The following TAFA1 variants were observed in gnomAD, a reference collection of about 807,000 sequenced individuals.
TAFA1 encodes chemokine-like protein TAFA-1.
Under a neutral mutation model 18.5 loss-of-function variants are expected in TAFA1, and 4 were observed. The observed-to-expected ratio is 0.22, with a 90% CI of 0.11 to 0.49. The LOEUF (loss-of-function observed/expected upper bound fraction) is 0.49, where lower values mean the gene tolerates loss of function less well. Ranked by LOEUF, TAFA1 falls within the 20% of genes least tolerant of loss-of-function variation. The probability of loss-of-function intolerance (pLI) is 0.98; values close to 1 mark genes in which losing one functional copy is unlikely to be tolerated. For missense variants in TAFA1, 147 were observed against 169.0 expected (o/e 0.87, Z 0.72); for synonymous variants, 56 against 55.2 (o/e 1.01, Z -0.06).
intron 2 of TAFA1, among the ~76,000 whole-genome samples, chr3:68,254,169 C>G (rs1448804503): frequency 1.3e-5 from 2 of 151,628 alleles, no homozygotes; most frequent in African/African-American, 4.9e-5. Flanking sequence ...GTCTATCTAT[C>G]TATCTATCTA....
At chr3:68,462,408 A>T (rs2071801278) in intron 3 of TAFA1, among the ~76,000 whole-genome samples, 1 of 152,070 alleles carries the variant, frequency 6.6e-6, no homozygotes, top group Non-Finnish European at 1.5e-5. Flanking sequence ...TCCTCTGCAC[A>T]TGCCCTCTTG....
At chr3:68,363,198 G>A (rs2069502208) in intron 2 of TAFA1, among the ~76,000 whole-genome samples, 1 of 151,962 alleles carries the variant, frequency 6.6e-6, no homozygotes, top group African/African-American at 2.4e-5. Flanking sequence ...CATGGTAGGT[G>A]TTCAACATTT....
chr3:68,472,503 TACAC>T (rs144677943), intron 3 of TAFA1, among the ~76,000 whole-genome samples: 2,751 of 141,130 alleles, frequency 0.019, 43 homozygotes, highest in South Asian at 0.064. Context: ...TAGAACTAAA[TACAC>T]ACACACACAC....
chr3:68,307,335 A>G (rs2106665516), intron 2 of TAFA1, among the ~76,000 whole-genome samples: 1 of 152,352 alleles, frequency 6.6e-6, no homozygotes, highest in Non-Finnish European at 1.5e-5. Context: ...TCAAAATGAG[A>G]AAGAGATAGT....
At chr3:68,284,963 A>C (rs1016897072) in intron 2 of TAFA1, among the ~76,000 whole-genome samples, 5 of 151,984 alleles carry the variant, frequency 3.3e-5, no homozygotes, top group Non-Finnish European at 7.4e-5. Flanking sequence ...TGGCACATGC[A>C]TGTAGTCCTA....
intron 2 of TAFA1, among the ~76,000 whole-genome samples, chr3:68,136,532 G>C (rs2065610085): frequency 1.3e-5 from 2 of 152,106 alleles, no homozygotes; most frequent in African/African-American, 4.8e-5. Flanking sequence ...CCACTGTTCC[G>C]TAGTGACTGT....
chr3:68,391,457 C>T (rs1308081049), intron 2 of TAFA1, among the ~76,000 whole-genome samples: 1 of 152,172 alleles, frequency 6.6e-6, no homozygotes, highest in Non-Finnish European at 1.5e-5. Flanking sequence ...TCCAGGAGAA[C>T]TTCCCCAACC....
At chr3:68,373,597 G>A (rs1331250979) in intron 2 of TAFA1, among the ~76,000 whole-genome samples, 1 of 152,136 alleles carries the variant, frequency 6.6e-6, no homozygotes, top group Non-Finnish European at 1.5e-5. Context: ...CCTCATTGAA[G>A]CCCTTGGCAA....
intron 2 of TAFA1, among the ~76,000 whole-genome samples, chr3:68,217,893 TATC>T (rs1424578083): frequency 1.3e-5 from 2 of 152,042 alleles, no homozygotes; most frequent in Non-Finnish European, 2.9e-5. Context: ...TAGATTTTAT[TATC>T]ATCATTATTA....
chr3:68,080,070 G>A (rs199689121), intron 2 of TAFA1, among the ~76,000 whole-genome samples: 5,952 of 151,986 alleles, frequency 0.039, 171 homozygotes, highest in East Asian at 0.1. Context: ...TTATGTAATG[G>A]CCTTCTTTGT....
Position 68,056,134 on chromosome 3 carries a change from T to C in TAFA1, c.118+49390T>C, listed in dbSNP as rs576948258. On this transcript the variant is annotated intron_variant, in intron 2 of 4. Transcript: ENST00000478136. ...TGCATCCTCTTCCAGCTGTGCCCCA[T>C]CCCAATTCAATCTTAGGTAAGAGTC... is the stretch of plus-strand genomic sequence containing the variant. Among the ~76,000 whole-genome samples, 16 of 152,268 alleles carry C rather than the reference T, an allele frequency of 1.1e-4. 1 individual carries two copies. The highest frequency in any genetic ancestry group is 2.9e-4 in the African/African-American group (12 of 41,564).
chr3:68,361,711 A>C (rs1465458133), intron 2 of TAFA1, among the ~76,000 whole-genome samples: 6 of 152,064 alleles, frequency 3.9e-5, no homozygotes, highest in Non-Finnish European at 7.4e-5. Flanking sequence ...CATGAGAAAG[A>C]AAGCAAAGGA....
chr3:68,093,256 C>G (rs148418748), intron 2 of TAFA1, among the ~76,000 whole-genome samples: 129 of 152,246 alleles, frequency 8.5e-4, no homozygotes, highest in African/African-American at 3.0e-3. Context: ...ATATGTCTCT[C>G]AAATTCACAG....
chr3:68,032,153 C>T (rs180766960), intron 2 of TAFA1, among the ~76,000 whole-genome samples: 14 of 152,092 alleles, frequency 9.2e-5, no homozygotes, highest in Admixed American at 9.2e-4. Flanking sequence ...AAAGTAACAG[C>T]TTATCTGGTC....
At chr3:68,197,231 T>G (rs1484799359) in intron 2 of TAFA1, among the ~76,000 whole-genome samples, 2 of 151,808 alleles carry the variant, frequency 1.3e-5, no homozygotes, top group African/African-American at 4.8e-5. Context: ...AGCTTTCTTT[T>G]ATTTAGAATG....
At chr3:68,008,901 C>A (rs143304302) in intron 2 of TAFA1, among the ~76,000 whole-genome samples, 2 of 152,148 alleles carry the variant, frequency 1.3e-5, no homozygotes, top group East Asian at 3.9e-4. Flanking sequence ...CTCTCATTCC[C>A]CATTTATAGA....
intron 2 of TAFA1, among the ~76,000 whole-genome samples, chr3:68,019,173 C>A (rs1234053063): frequency 1.3e-5 from 2 of 152,172 alleles, no homozygotes; most frequent in Non-Finnish European, 2.9e-5. Flanking sequence ...GCATCTGTTT[C>A]TTGGGCAGTT....
intron 2 of TAFA1, among the ~76,000 whole-genome samples, chr3:68,092,762 C>A (rs992022533): frequency 6.6e-6 from 1 of 152,074 alleles, no homozygotes; most frequent in Admixed American, 6.6e-5. Context: ...GAATAGCAAT[C>A]GCACTCCCCA....
At chr3:68,197,239 A>G (rs991227438) in intron 2 of TAFA1, among the ~76,000 whole-genome samples, 1 of 151,788 alleles carries the variant, frequency 6.6e-6, no homozygotes, top group African/African-American at 2.4e-5. Flanking sequence ...TTTATTTAGA[A>G]TGATTTGCCC....
Sources: gnomAD v4.1 joint callset for allele counts (sites outside exome capture counted in the v4.1 genomes callset) on GRCh38, gnomAD v4.1.1 for gene constraint, MANE v1.5 for transcripts, NCBI Gene and HGNC (gene_info 2026-07-23, HGNC 2026-07-21) for gene names.